Variants in HMBOX1 observed in about 807,000 individuals in gnomAD.
The protein encoded by HMBOX1 is homeobox-containing protein 1.
Under a neutral mutation model 54.5 loss-of-function variants are expected in HMBOX1, and 14 were observed. That is an observed-to-expected ratio of 0.26 (90% CI 0.17 to 0.40). The LOEUF is 0.40. HMBOX1 is among the 10% of genes least tolerant of loss of function. The probability of loss-of-function intolerance (pLI) is 1.00; values close to 1 mark genes in which losing one functional copy is unlikely to be tolerated. For missense variants in HMBOX1, 332 were observed against 514.4 expected, an observed-to-expected ratio of 0.65 and a Z score of 3.43; for synonymous variants, 160 against 181.0, an observed-to-expected ratio of 0.88 and a Z score of 0.93.
intron 1 of HMBOX1, among the ~76,000 whole-genome samples, chr8:28,907,220 G>A (rs943577167): frequency 4.6e-5 from 7 of 152,150 alleles, no homozygotes; most frequent in Admixed American, 4.6e-4. Context: ...ATCACAAACT[G>A]TAATGTATAT....
At chr8:28,988,677 A>G (rs1264178485) in intron 4 of HMBOX1, among the ~76,000 whole-genome samples, 2 of 152,054 alleles carry the variant, frequency 1.3e-5, no homozygotes, top group Non-Finnish European at 2.9e-5. Flanking sequence ...TTTTCTAATG[A>G]CTGATTATGT....
intron 1 of HMBOX1, 143 bp from the exon 2 acceptor site, chr8:28,963,668 C>T: frequency 4.2e-6 from 2 of 478,892 alleles, no homozygotes; most frequent in South Asian, 4.3e-5. Context: ...GTGAATAAAG[C>T]AGTAGAATGC....
intron 1 of HMBOX1, among the ~76,000 whole-genome samples, chr8:28,953,133 C>A (rs1823811231): frequency 6.6e-6 from 1 of 152,184 alleles, no homozygotes; most frequent in African/African-American, 2.4e-5. Context: ...AAGAAGTGTT[C>A]ATTAAATAGT....
intron 1 of HMBOX1, among the ~76,000 whole-genome samples, chr8:28,952,317 A>T (rs966192345): frequency 6.6e-6 from 1 of 151,926 alleles, no homozygotes; most frequent in Non-Finnish European, 1.5e-5. Context: ...CACTGCAGCC[A>T]CCACCTCCTG....
chr8:29,026,079 C>T (rs1801983799), intron 6 of HMBOX1, among the ~76,000 whole-genome samples: 2 of 144,424 alleles, frequency 1.4e-5, no homozygotes, highest in Admixed American at 1.4e-4. Flanking sequence ...CACACACACA[C>T]ACAGTTTTCC....
chr8:29,032,343 G>A (rs936725653), intron 6 of HMBOX1, among the ~76,000 whole-genome samples: 3 of 151,586 alleles, frequency 2.0e-5, no homozygotes, highest in Non-Finnish European at 4.4e-5. Flanking sequence ...AATTGAAACT[G>A]TTTTGAAAAA....
intron 4 of HMBOX1, among the ~76,000 whole-genome samples, chr8:28,989,195 C>G (rs1489720332): frequency 6.6e-6 from 1 of 152,020 alleles, no homozygotes; most frequent in African/African-American, 2.4e-5. Context: ...TTGCTTGAAC[C>G]TGGGAGGCAG....
At chr8:28,976,396 T>TTTGTTG (rs759293993) in intron 3 of HMBOX1, among the ~76,000 whole-genome samples, 4 of 152,192 alleles carry the variant, frequency 2.6e-5, no homozygotes, top group African/African-American at 9.6e-5. Flanking sequence ...ATTGATGCTT[T>TTTGTTG]TTGTTGTTGT....
intron 1 of HMBOX1, among the ~76,000 whole-genome samples, chr8:28,962,730 A>G (rs1333998793): frequency 6.6e-6 from 1 of 152,182 alleles, no homozygotes; most frequent in African/African-American, 2.4e-5. Flanking sequence ...ATTTCACTCT[A>G]AGAAATCTTC....
intron 4 of HMBOX1, among the ~76,000 whole-genome samples, chr8:28,982,532 G>A (rs1192981985): frequency 2.6e-5 from 4 of 152,050 alleles, no homozygotes; most frequent in Middle Eastern, 3.4e-3. Context: ...TCATTGCAGC[G>A]TCCACCTCCT....
intron 1 of HMBOX1, among the ~76,000 whole-genome samples, chr8:28,949,494 T>G (rs1823025266): frequency 5.3e-5 from 8 of 152,258 alleles, no homozygotes. Flanking sequence ...GGATACTTAA[T>G]AAATTCTTAT....
chr8:28,985,661 T>G (rs1440416551), intron 4 of HMBOX1, among the ~76,000 whole-genome samples: 1 of 152,174 alleles, frequency 6.6e-6, no homozygotes, highest in African/African-American at 2.4e-5. Context: ...TAACTTATCT[T>G]TAAAATGTAG....
chr8:29,029,266 T>A (rs962422004), intron 6 of HMBOX1, among the ~76,000 whole-genome samples: 1 of 152,252 alleles, frequency 6.6e-6, no homozygotes, highest in Non-Finnish European at 1.5e-5. Flanking sequence ...ATATCACTTA[T>A]GCAGAAATCT....
intron 1 of HMBOX1, among the ~76,000 whole-genome samples, chr8:28,936,736 A>C (rs535568782): frequency 6.6e-5 from 10 of 151,616 alleles, no homozygotes; most frequent in Non-Finnish European, 1.3e-4. Context: ...TTATAAATTT[A>C]AACTTATTAT....
At chr8:29,048,424 A>G (rs1197750634) in intron 8 of HMBOX1, 1 of 152,262 alleles carries the variant, frequency 6.6e-6, no homozygotes, top group Non-Finnish European at 1.5e-5. Flanking sequence ...GTTCCCATTC[A>G]AAACTGTAAC....
intron 1 of HMBOX1, among the ~76,000 whole-genome samples, chr8:28,958,395 T>A (rs1824853666): frequency 6.6e-6 from 1 of 152,214 alleles, no homozygotes; most frequent in African/African-American, 2.4e-5. Flanking sequence ...TGTCTTACCA[T>A]TTTTCCTGTA....
chr8:28,925,484 C>T (rs1818288361), intron 1 of HMBOX1, among the ~76,000 whole-genome samples: 1 of 151,818 alleles, frequency 6.6e-6, no homozygotes, highest in Non-Finnish European at 1.5e-5. Context: ...ATTGTTTGCT[C>T]TCAGTTATGT....
intron 2 of HMBOX1, among the ~76,000 whole-genome samples, chr8:28,969,013 A>C (rs1826930586): frequency 6.6e-6 from 1 of 152,086 alleles, no homozygotes; most frequent in African/African-American, 2.4e-5. Context: ...ATCTCTACTA[A>C]AAATATAAAA....
chr8:29,042,622 T>G, intron 6 of HMBOX1: 1 of 455,764 alleles, frequency 2.2e-6, no homozygotes, highest in African/African-American at 2.0e-5. Context: ...TTGGCCCTAT[T>G]TTATGACTTT....
Sources: allele counts gnomAD v4.1 joint callset (sites outside exome capture counted in the v4.1 genomes callset), GRCh38; gene constraint gnomAD v4.1.1; transcripts MANE v1.5; gene names NCBI Gene and HGNC (gene_info 2026-07-23, HGNC 2026-07-21).